The following RASSF3 variants were observed in gnomAD, a reference collection of about 807,000 sequenced individuals.
RASSF3 encodes ras association domain-containing protein 3.
RASSF3 carries 19 observed loss-of-function variants against 19.9 expected under a neutral mutation model. The observed-to-expected ratio is 0.96, with a 90% confidence interval of 0.67 to 1.40. The LOEUF (loss-of-function observed/expected upper bound fraction) is 1.40, where lower values mean the gene tolerates loss of function less well. Among genes scored for constraint, RASSF3 ranks in the 40% most tolerant of loss-of-function variants. The probability of loss-of-function intolerance (pLI) is 0.00; values close to 1 mark genes in which losing one functional copy is unlikely to be tolerated. For synonymous variants in RASSF3, 110 were observed against 104.2 expected (o/e 1.06, Z -0.34); for missense variants, 306 against 289.8 (o/e 1.06, Z -0.41).
At chr12:64,616,107 A>G (rs1367328189) in intron 1 of RASSF3, among the ~76,000 whole-genome samples, 6 of 152,180 alleles carry the variant, frequency 3.9e-5, no homozygotes, top group Non-Finnish European at 8.8e-5. Context: ...TTCTTACACG[A>G]TATTAATCCA....
In RASSF3 at chr12:64,665,132, C is replaced by T. The variant is rs765033005; in HGVS notation, c.112-19655C>T. Reference sequence around the variant, plus strand: ...TCATTGTCTAAAATCAGAAAGACAGCGCAGTGGAAGGTTCTAGGAGTTGCA... The same window carrying T: ...TCATTGTCTAAAATCAGAAAGACAGTGCAGTGGAAGGTTCTAGGAGTTGCA... On this transcript the variant is annotated intron_variant, in intron 1 of 4. Coordinates refer to ENST00000542104, the MANE Select transcript of RASSF3 (RefSeq NM_178169.4). Among the ~76,000 whole-genome samples the T allele has an allele frequency of 7.2e-5, 11 of 152,126 alleles. No individual in the cohort carries two copies. In the South Asian group the frequency reaches 8.3e-4, roughly 11 times the overall value.
chr12:64,530,408 G>T (rs1868683604), upstream of RASSF3, among the ~76,000 whole-genome samples: 1 of 151,720 alleles, frequency 6.6e-6, no homozygotes, highest in African/African-American at 2.4e-5. Flanking sequence ...CTCCCAAAGT[G>T]CTGGGATTAC....
intron 2 of RASSF3, among the ~76,000 whole-genome samples, chr12:64,568,593 C>A (rs1270737921): frequency 6.6e-6 from 1 of 152,162 alleles, no homozygotes; most frequent in Non-Finnish European, 1.5e-5. Context: ...GCAGGAGCTG[C>A]AGTCAGGCAC....
At chr12:64,599,690 G>T (rs1470513942) in intron 2 of RASSF3, among the ~76,000 whole-genome samples, 1 of 152,124 alleles carries the variant, frequency 6.6e-6, no homozygotes, top group Non-Finnish European at 1.5e-5. Flanking sequence ...GCTTCCAGGG[G>T]AAGATGAGAA....
intron 2 of RASSF3, among the ~76,000 whole-genome samples, chr12:64,552,675 C>T (rs1869185054): frequency 6.6e-6 from 1 of 152,178 alleles, no homozygotes; most frequent in Non-Finnish European, 1.5e-5. Context: ...TGACTTCCAG[C>T]TCCATCCATG....
intron 1 of RASSF3, among the ~76,000 whole-genome samples, chr12:64,660,160 C>T (rs537715495): frequency 3.3e-5 from 5 of 151,798 alleles, no homozygotes; most frequent in South Asian, 2.1e-4. Flanking sequence ...TCAAGTGATC[C>T]GCCCGCCTCT....
chr12:64,602,867 A>G (rs1393956579), intron 2 of RASSF3, among the ~76,000 whole-genome samples: 2 of 152,032 alleles, frequency 1.3e-5, no homozygotes. Context: ...TTGGGAGGCC[A>G]AGGTGGGTGG....
At chr12:64,535,159 G>A (rs7312250) in intron 1 of RASSF3, among the ~76,000 whole-genome samples, 85,989 of 151,550 alleles carry the variant, frequency 0.57, 24,901 homozygotes, top group East Asian at 0.72. Flanking sequence ...TGAGTCTTAT[G>A]AGTCAGTGCT....
intron 1 of RASSF3, among the ~76,000 whole-genome samples, chr12:64,644,557 C>T (rs1027423299): frequency 6.6e-6 from 1 of 151,824 alleles, no homozygotes; most frequent in South Asian, 2.1e-4. Flanking sequence ...ATTAGCTGGG[C>T]GTGGTTGCAC....
At chr12:64,612,551 C>T (rs1244441060) in intron 1 of RASSF3, among the ~76,000 whole-genome samples, 2 of 145,820 alleles carry the variant, frequency 1.4e-5, no homozygotes, top group Admixed American at 7.1e-5. Flanking sequence ...TGTGATCTCA[C>T]TGCAACCTCA....
intron 1 of RASSF3, among the ~76,000 whole-genome samples, chr12:64,640,043 G>A (rs1419551698): frequency 6.6e-6 from 1 of 152,198 alleles, no homozygotes; most frequent in East Asian, 1.9e-4. Flanking sequence ...TTCATGTGAG[G>A]CCTCAGAGGG....
chr12:64,649,466 A>G (rs1871862594), intron 1 of RASSF3, among the ~76,000 whole-genome samples: 1 of 152,188 alleles, frequency 6.6e-6, no homozygotes, highest in Non-Finnish European at 1.5e-5. Context: ...TGTTGGGATT[A>G]CAGGCATGAG....
chr12:64,615,441 CAGTA>C (rs1361976560), intron 1 of RASSF3, among the ~76,000 whole-genome samples: 2 of 152,288 alleles, frequency 1.3e-5, no homozygotes, highest in Middle Eastern at 3.4e-3. Flanking sequence ...AATTTTACTT[CAGTA>C]AGTAAGTCTA....
chr12:64,633,008 A>G (rs762536603), intron 1 of RASSF3, among the ~76,000 whole-genome samples: 17 of 152,244 alleles, frequency 1.1e-4, no homozygotes, highest in African/African-American at 4.8e-5. Flanking sequence ...AGAATAAGCT[A>G]GAAAATAAAT....
chr12:64,587,784 CTGTT>C (rs941889811), intron 2 of RASSF3, among the ~76,000 whole-genome samples: 56 of 152,238 alleles, frequency 3.7e-4, no homozygotes, highest in African/African-American at 1.3e-3. Context: ...CAGCGAGTAA[CTGTT>C]TGAAGAAAAT....
At chr12:64,691,435 A>G (rs1868278381) in intron 3 of RASSF3, 35 bp from the exon 4 acceptor site, 3 of 1,415,458 alleles carry the variant, frequency 2.1e-6, no homozygotes, top group Non-Finnish European at 3.0e-6. Context: ...GAATGGCTGA[A>G]TACTCTGTAA....
upstream of RASSF3, among the ~76,000 whole-genome samples, chr12:64,606,740 G>A (rs546979279): frequency 5.3e-5 from 8 of 152,128 alleles, no homozygotes; most frequent in African/African-American, 1.4e-4. Flanking sequence ...GCTTGAACCC[G>A]GGAGGCAGAG....
chr12:64,517,349 T>G (rs1868386208), intron 1 of RASSF3, among the ~76,000 whole-genome samples: 1 of 151,882 alleles, frequency 6.6e-6, no homozygotes, highest in African/African-American at 2.4e-5. Flanking sequence ...TGGTCACAAT[T>G]AAAATTCAAA....
At chr12:64,654,721 C>T (rs995129150) in intron 1 of RASSF3, 1 of 151,134 alleles carries the variant, frequency 6.6e-6, no homozygotes, top group Admixed American at 6.6e-5. Context: ...AAAAATTAGC[C>T]ACGTGTGGTG....
Sources: allele counts gnomAD v4.1 joint callset (sites outside exome capture counted in the v4.1 genomes callset), GRCh38; gene constraint gnomAD v4.1.1; transcripts MANE v1.5; gene names NCBI Gene and HGNC (gene_info 2026-07-23, HGNC 2026-07-21).